LCMT1: variants seen among roughly 807,000 people sequenced by gnomAD.
LCMT1 encodes leucine carboxyl methyltransferase 1.
LCMT1 carries 32 observed loss-of-function variants against 47.7 expected under a neutral mutation model. The observed-to-expected ratio is 0.67, with a 90% CI of 0.51 to 0.90. The LOEUF is 0.90. Ranked by LOEUF, LCMT1 falls within the 40% of genes least tolerant of loss-of-function variation. The probability of loss-of-function intolerance (pLI) is 0.00; values close to 1 mark genes in which losing one functional copy is unlikely to be tolerated. For missense variants in LCMT1, 375 were observed against 415.2 expected, an observed-to-expected ratio of 0.90 and a Z score of 0.84; for synonymous variants, 152 against 149.7, an observed-to-expected ratio of 1.02 and a Z score of -0.11.
intron 2 of LCMT1, among the ~76,000 whole-genome samples, chr16:25,130,768 C>G (rs1322848592): frequency 6.6e-6 from 1 of 152,192 alleles, no homozygotes; most frequent in South Asian, 2.1e-4. Flanking sequence ...CAGAACATAG[C>G]TAGAATATGG....
chr16:25,124,203 A>C (rs1433957994), intron 1 of LCMT1, among the ~76,000 whole-genome samples: 1 of 152,230 alleles, frequency 6.6e-6, no homozygotes, highest in Non-Finnish European at 1.5e-5. Context: ...ATAAAACAGT[A>C]AAACACTGAA....
chr16:25,132,660 A>T lies in LCMT1; in HGVS notation c.327+137A>T, dbSNP rs573380830. On this transcript the variant is annotated intron_variant, in intron 3 of 10. Coordinates refer to ENST00000399069, the MANE Select transcript of LCMT1 (RefSeq NM_016309.3). ...TCCCACCCCTGTCCCATCTGCCTAG[A>T]TGCCCCTACGACTCTCAGTCCTGTT... The T allele has an allele frequency of 6.7e-5, 57 of 845,150 alleles. No homozygotes were observed. The African/African-American group carries it at 8.7e-4, about 13-fold the overall frequency. 52.4% of individuals were successfully genotyped at this position (845,150 alleles called of 1,614,324 possible).
At chr16:25,167,164 G>C (rs1311438478) in intron 7 of LCMT1, among the ~76,000 whole-genome samples, 9 of 152,144 alleles carry the variant, frequency 5.9e-5, no homozygotes, top group Non-Finnish European at 1.2e-4. Context: ...GCTGTCCCTA[G>C]ACTGGTTCTG....
chr16:25,157,602 A>G (rs79117694), intron 5 of LCMT1, among the ~76,000 whole-genome samples: 4,144 of 152,330 alleles, frequency 0.027, 77 homozygotes, highest in Non-Finnish European at 0.038. Context: ...ATATAAACTT[A>G]ATGAGGCAGA....
chr16:25,140,401 C>T (rs896587225), intron 4 of LCMT1, 154 bp downstream of exon 4: 2 of 624,956 alleles, frequency 3.2e-6, no homozygotes, highest in Non-Finnish European at 5.7e-6. Flanking sequence ...GCACTCATTC[C>T]AGCATGTTCT....
chr16:25,157,104 C>A (rs1017336352), intron 5 of LCMT1, among the ~76,000 whole-genome samples: 28 of 152,064 alleles, frequency 1.8e-4, no homozygotes, highest in Non-Finnish European at 1.9e-4. Context: ...TCGAAATGCA[C>A]CTGGCGGTGA....
intron 7 of LCMT1, among the ~76,000 whole-genome samples, chr16:25,167,320 G>A (rs1453649808): frequency 1.3e-5 from 2 of 151,376 alleles, no homozygotes; most frequent in Admixed American, 1.3e-4. Flanking sequence ...CTTTTTTTTG[G>A]TCTTTTTTTT....
At chr16:25,172,904 T>G (rs1040699105) in intron 9 of LCMT1, among the ~76,000 whole-genome samples, 4 of 152,242 alleles carry the variant, frequency 2.6e-5, no homozygotes, top group Non-Finnish European at 5.9e-5. Context: ...GAAAGGAGCC[T>G]CTGACTAGCA....
At chr16:25,164,075 T>A (rs1961515705) in intron 6 of LCMT1, among the ~76,000 whole-genome samples, 2 of 152,176 alleles carry the variant, frequency 1.3e-5, no homozygotes, top group South Asian at 4.1e-4. Flanking sequence ...TCCACAGGTC[T>A]TCTCCCCCTA....
intron 4 of LCMT1, chr16:25,147,705 A>AT (rs1347441886): frequency 6.6e-6 from 1 of 151,724 alleles, no homozygotes. Context: ...AAAAAATTTG[A>AT]TTTTGAGGCA....
At chr16:25,134,338 A>G (rs1366802695) in intron 3 of LCMT1, among the ~76,000 whole-genome samples, 1 of 152,226 alleles carries the variant, frequency 6.6e-6, no homozygotes, top group Admixed American at 6.5e-5. Flanking sequence ...TATAATCACT[A>G]ACATCATGAA....
chr16:25,119,972 AACACGGTGAAATCCCGTCTCT>A (rs1290027815), intron 1 of LCMT1, among the ~76,000 whole-genome samples: 7 of 151,926 alleles, frequency 4.6e-5, no homozygotes, highest in Admixed American at 4.6e-4. Flanking sequence ...CATCCTGGCT[AACACGGTGAAATCCCGTCTCT>A]ACTAAAAATA....
chr16:25,120,737 TTGTTTTTTTTTTTTG>T (rs1421301244), intron 1 of LCMT1, among the ~76,000 whole-genome samples: 4 of 142,744 alleles, frequency 2.8e-5, no homozygotes, highest in African/African-American at 1.1e-4. Context: ...CCTTGTTTTT[TTGTTTTTTTTTTTTG>T]TTTTTTTTTT....
chr16:25,121,955 G>A (rs939909726), intron 1 of LCMT1, among the ~76,000 whole-genome samples: 6 of 152,254 alleles, frequency 3.9e-5, no homozygotes, highest in South Asian at 4.1e-4. Flanking sequence ...CTGCAGTTTC[G>A]TACTTTGGCC....
At chr16:25,123,980 G>A (rs934627900) in intron 1 of LCMT1, among the ~76,000 whole-genome samples, 1 of 152,124 alleles carries the variant, frequency 6.6e-6, no homozygotes, top group African/African-American at 2.4e-5. Flanking sequence ...TGTAAATTGA[G>A]TCAGAGTTCC....
At chr16:25,155,371 C>A (rs947754179) in intron 5 of LCMT1, among the ~76,000 whole-genome samples, 1 of 151,890 alleles carries the variant, frequency 6.6e-6, no homozygotes, top group African/African-American at 2.4e-5. Context: ...CCTAGTGAGA[C>A]CCTGTCACAA....
At position 25,171,435 on chromosome 16, in the gene LCMT1, CA is replaced by C. The variant is rs538610897; in HGVS notation, c.884+639del. ...TCAAAAAAACAAACAAACAAACAAA[CA>C]AAAAAAAACCCCAAAAAACAAGACC... On this transcript the variant is annotated intron_variant, in intron 9 of 10. Transcript: ENST00000399069. 5.4e-3 allele frequency among the ~76,000 whole-genome samples: 809 copies of C among 150,560 alleles called. 3 individuals carry two copies. Among genetic ancestry groups the C allele is most frequent in the African/African-American group, 0.014 (564 of 41,068 alleles).
Position 25,116,974 on chromosome 16 carries a change from G to A in LCMT1, c.113+4978G>A, listed in dbSNP as rs151239874. Among the ~76,000 whole-genome samples the A allele has an allele frequency of 3.9e-5, 6 of 152,224 alleles. No individual in the cohort carries two copies. In the East Asian group the frequency reaches 1.2e-3, roughly 29 times the overall value. ...CAGGAGCAGAGGCATGGAGACTGGA[G>A]TAGAGTGGTGTATTAGGTGAACTTG... On this transcript the variant is annotated intron_variant, in intron 1 of 10. Transcript: ENST00000399069.
chr16:25,176,609 T>C (rs991396219), intron 10 of LCMT1, among the ~76,000 whole-genome samples: 2 of 132,140 alleles, frequency 1.5e-5, no homozygotes, highest in Non-Finnish European at 3.1e-5. Context: ...TTGTCCAGGC[T>C]GGAGTGCAGT....
Sources: gnomAD v4.1 joint callset for allele counts (sites outside exome capture counted in the v4.1 genomes callset) on GRCh38, gnomAD v4.1.1 for gene constraint, MANE v1.5 for transcripts, NCBI Gene and HGNC (gene_info 2026-07-23, HGNC 2026-07-21) for gene names.